Variants in BANP observed in about 807,000 individuals in gnomAD.
BANP encodes protein BANP.
A neutral mutation model predicts 68.1 loss-of-function variants in BANP; 11 were observed. The observed-to-expected ratio is 0.16, with a 90% confidence interval of 0.10 to 0.27. BANP has a LOEUF of 0.27. BANP is among the 10% of genes least tolerant of loss of function. The probability of loss-of-function intolerance (pLI) is 1.00; values close to 1 mark genes in which losing one functional copy is unlikely to be tolerated. For missense variants in BANP, 504 were observed against 722.7 expected, an observed-to-expected ratio of 0.70 and a Z score of 3.47; for synonymous variants, 329 against 303.2, an observed-to-expected ratio of 1.09 and a Z score of -0.88.
intron 1 of BANP, among the ~76,000 whole-genome samples, chr16:87,963,194 C>T (rs1280487817): frequency 9.9e-5 from 15 of 152,066 alleles, no homozygotes; most frequent in Admixed American, 9.8e-4. Context: ...TGGGGATGGG[C>T]TGGGAGCTTG....
chr16:88,053,854 C>A (rs1162437326), intron 11 of BANP, among the ~76,000 whole-genome samples: 3,604 of 100,866 alleles, frequency 0.036, 1 homozygote, highest in Non-Finnish European at 0.061. Flanking sequence ...CACTACCACC[C>A]CCACCTCCTT....
At chr16:87,990,079 T>A (rs1471312767) in intron 4 of BANP, among the ~76,000 whole-genome samples, 1 of 152,250 alleles carries the variant, frequency 6.6e-6, no homozygotes, top group African/African-American at 2.4e-5. Context: ...CCGGATTTTC[T>A]GCTTTGTTTT....
chr16:88,060,756 C>T (rs1306836818), intron 11 of BANP, among the ~76,000 whole-genome samples: 2 of 152,152 alleles, frequency 1.3e-5, no homozygotes, highest in African/African-American at 2.4e-5. Flanking sequence ...CTGCCCTTCT[C>T]CCTTTCCTGG....
chr16:87,967,446 T>C (rs1180067579), intron 1 of BANP, among the ~76,000 whole-genome samples: 1 of 151,668 alleles, frequency 6.6e-6, no homozygotes, highest in East Asian at 1.9e-4. Flanking sequence ...TTTTATTTTA[T>C]TGTTTTTTGG....
chr16:88,007,139 G>T (rs981599246), intron 6 of BANP, among the ~76,000 whole-genome samples: 1 of 152,094 alleles, frequency 6.6e-6, no homozygotes, highest in Non-Finnish European at 1.5e-5. Context: ...GATGGACAGA[G>T]TCATTTTTAG....
Position 87,981,089 on chromosome 16 carries a change from C to G in BANP, c.124C>G (p.Gln42Glu), listed in dbSNP as rs1567650440. 2 of 1,614,030 alleles carry G rather than the reference C, an allele frequency of 1.2e-6. No homozygotes were observed. The highest frequency in any genetic ancestry group is 1.7e-6 in the Non-Finnish European group (2 of 1,179,984). The change falls in exon 3 of 14, where the codon CAG (glutamine) becomes GAG (glutamate). Residue 42 changes from glutamine to glutamate, a missense_variant. By Grantham distance (29) the Gln-to-Glu change is conservative. This residue lies in a region of BANP where 238 missense variants were observed against 278.9 expected (regional missense o/e 0.85). Transcript: ENST00000682872. ...TGAAGACGAACCTGCTTTGAAACGC[C>G]AGCGACTAGAAATCAATTGCCAGGA... ...TDEDEPALKR[Q>E]RLEINCQDPS...
At chr16:87,996,721 C>T (rs1352279571) in intron 4 of BANP, among the ~76,000 whole-genome samples, 1 of 152,184 alleles carries the variant, frequency 6.6e-6, no homozygotes, top group Non-Finnish European at 1.5e-5. Flanking sequence ...TCAGCGTTGC[C>T]CTCCCGTCCT....
At chr16:87,962,374 C>T (rs1464525382) in intron 1 of BANP, among the ~76,000 whole-genome samples, 1 of 151,380 alleles carries the variant, frequency 6.6e-6, no homozygotes, top group Non-Finnish European at 1.5e-5. Flanking sequence ...ATGATTTTTA[C>T]ATGAATTAAA....
At chr16:88,051,248 C>T (rs2152825222) in intron 11 of BANP, among the ~76,000 whole-genome samples, 1 of 152,354 alleles carries the variant, frequency 6.6e-6, no homozygotes, top group African/African-American at 2.4e-5. Context: ...CTGTGCTTCC[C>T]TTGAGGGATG....
intron 8 of BANP, among the ~76,000 whole-genome samples, chr16:88,028,045 G>T (rs2077350317): frequency 6.6e-6 from 1 of 152,210 alleles, no homozygotes; most frequent in African/African-American, 2.4e-5. Flanking sequence ...TGAGTTCATG[G>T]CCTTAGTTGG....
At chr16:88,048,975 C>G (rs924596032) in intron 11 of BANP, among the ~76,000 whole-genome samples, 1 of 152,172 alleles carries the variant, frequency 6.6e-6, no homozygotes, top group South Asian at 2.1e-4. Context: ...GTTGGCAAAG[C>G]TCTGCAGACC....
At chr16:88,050,458 C>T (rs1004242468) in intron 11 of BANP, among the ~76,000 whole-genome samples, 3 of 152,144 alleles carry the variant, frequency 2.0e-5, no homozygotes, top group African/African-American at 7.2e-5. Context: ...GCCCAGCCGA[C>T]AAGATGGTTT....
At chr16:87,971,309 G>A (rs868771685) in intron 1 of BANP, among the ~76,000 whole-genome samples, 4 of 152,166 alleles carry the variant, frequency 2.6e-5, no homozygotes, top group South Asian at 2.1e-4. Flanking sequence ...TCCGCTAGCC[G>A]CTCTTCCCAA....
chr16:88,042,217 A>G (rs935656623), intron 11 of BANP, among the ~76,000 whole-genome samples: 1 of 152,260 alleles, frequency 6.6e-6, no homozygotes, highest in African/African-American at 2.4e-5. Context: ...TGCATCCCAA[A>G]TGCGGGCAAG....
intron 1 of BANP, among the ~76,000 whole-genome samples, chr16:87,960,471 A>T (rs2058935820): frequency 6.6e-6 from 1 of 152,214 alleles, no homozygotes; most frequent in Non-Finnish European, 1.5e-5. Flanking sequence ...TTTATCCTAA[A>T]GACATACTTA....
chr16:87,986,008 G>C (rs2064324066), intron 4 of BANP, among the ~76,000 whole-genome samples: 1 of 152,194 alleles, frequency 6.6e-6, no homozygotes, highest in Admixed American at 6.5e-5. Flanking sequence ...CTGGTTCATT[G>C]TAAGTTATGT....
rs780839856 is a variant in BANP, at chr16:88,006,145, G to A, written c.535G>A (p.Asp179Asn). The A allele has an allele frequency of 6.2e-7, 1 of 1,614,118 alleles. No individual in the cohort carries two copies. The highest frequency in any genetic ancestry group is 1.7e-5 in the Admixed American group (1 of 60,028). Residue 179 changes from aspartate (D) to asparagine (N), a missense_variant, in exon 6 of 14, where the codon GAC (aspartate) becomes AAC (asparagine). Transcript: ENST00000682872. Reference sequence around the variant, plus strand: ...TGTGGTGAAGGTGCCGGGCCAAGAAGACAGCCACCACGAGGACGGGGAGAG... The same window carrying A: ...TGTGGTGAAGGTGCCGGGCCAAGAAAACAGCCACCACGAGGACGGGGAGAG... ...TIVVKVPGQE[D>N]SHHEDGESGS...
rs926404645 is a variant in BANP, at chr16:88,072,050, C to A, written c.1378-19C>A. The A allele has an allele frequency of 1.3e-6, 2 of 1,556,828 alleles. No individual in the cohort carries two copies. Among genetic ancestry groups the A allele is most frequent in the East Asian group, 2.4e-5 (1 of 41,902 alleles). ...TTGTGGGCCACGCCGCTGACGGGCC[C>A]CCGTGTGTCTCCCTCCAGGTGCTGC... is the stretch of plus-strand genomic sequence containing the variant. On this transcript the variant is annotated intron_variant, in intron 12 of 13. Coordinates refer to ENST00000682872, the MANE Select transcript of BANP (RefSeq NM_001386991.1).
chr16:88,015,309 GC>G (rs1443529500), intron 6 of BANP, among the ~76,000 whole-genome samples: 1 of 147,998 alleles, frequency 6.8e-6, no homozygotes, highest in Non-Finnish European at 1.5e-5. Flanking sequence ...CTCTGCCCGT[GC>G]CCCCTCAGCT....
Sources: gnomAD v4.1 joint callset for allele counts (sites outside exome capture counted in the v4.1 genomes callset) on GRCh38, gnomAD v4.1.1 for gene constraint, gnomAD v4.1.1 regional missense constraint, MANE v1.5 for transcripts, NCBI Gene and HGNC (gene_info 2026-07-23, HGNC 2026-07-21) for gene names.